Variants in SCARB2 observed in about 807,000 individuals in gnomAD.
SCARB2 encodes scavenger receptor class B member 2, also known as lysosome membrane protein 2.
In SCARB2, 29 loss-of-function variants were observed where a neutral mutation model predicts 58.6. That is an observed-to-expected ratio of 0.49 (90% CI 0.37 to 0.67). The LOEUF is 0.67. Ranked by LOEUF, SCARB2 falls within the 30% of genes least tolerant of loss-of-function variation. The probability of loss-of-function intolerance (pLI) is 0.00; values close to 1 mark genes in which losing one functional copy is unlikely to be tolerated. For synonymous variants in SCARB2, 195 were observed against 210.1 expected (o/e 0.93, Z 0.62); for missense variants, 488 against 578.5 (o/e 0.84, Z 1.60).
chr4:76,196,180 C>T (rs560422640), intron 1 of SCARB2, among the ~76,000 whole-genome samples: 42 of 152,284 alleles, frequency 2.8e-4, no homozygotes, highest in African/African-American at 1.0e-3. Context: ...TGGTGAAACC[C>T]CGTCTCTACT....
At chr4:76,167,606 T>C (rs1271371900) in intron 9 of SCARB2, among the ~76,000 whole-genome samples, 2 of 151,732 alleles carry the variant, frequency 1.3e-5, no homozygotes, top group Non-Finnish European at 2.9e-5. Context: ...TACAGAACTG[T>C]AAGCCAATTA....
At chr4:76,199,416 G>C (rs773703662) in intron 1 of SCARB2, among the ~76,000 whole-genome samples, 2 of 152,156 alleles carry the variant, frequency 1.3e-5, no homozygotes, top group Admixed American at 6.5e-5. Flanking sequence ...TTATTCATAG[G>C]AGATGCATGC....
intron 1 of SCARB2, among the ~76,000 whole-genome samples, chr4:76,198,141 A>G (rs1732752941): frequency 6.6e-6 from 1 of 152,184 alleles, no homozygotes; most frequent in Non-Finnish European, 1.5e-5. Flanking sequence ...AGGACAGTTG[A>G]GTGAGCACTC....
At chr4:76,228,369 C>T (rs557488583) in intron 1 of SCARB2, among the ~76,000 whole-genome samples, 1 of 151,892 alleles carries the variant, frequency 6.6e-6, no homozygotes, top group Admixed American at 6.6e-5. Flanking sequence ...ATCCCAGCTA[C>T]TCGGGAGGCA....
In SCARB2 at chr4:76,175,736, G is replaced by A. The variant is rs546245290; in HGVS notation, c.824+55C>T. 29 of 1,603,802 alleles carry A rather than the reference G, an allele frequency of 1.8e-5. No homozygotes were observed. The South Asian group carries it at 2.8e-4, about 15-fold the overall frequency. ...GCATATATTCCTCATGCTTTTGGTG[G>A]TCTTGCAGTGAAAGACCTTATTTTT... is the stretch of plus-strand genomic sequence containing the variant. On this transcript the variant is annotated intron_variant, in intron 6 of 11. Transcript: ENST00000264896.
intron 1 of SCARB2, among the ~76,000 whole-genome samples, chr4:76,201,487 C>T (rs117817153): frequency 2.6e-5 from 4 of 152,176 alleles, no homozygotes; most frequent in African/African-American, 7.2e-5. Flanking sequence ...TAGAGCACAA[C>T]GCTGTGCCAG....
chr4:76,158,829 T>G lies in SCARB2; in HGVS notation c.*2884A>C, dbSNP rs1295439575. 3.9e-5 allele frequency: 6 copies of G among 152,220 alleles called. No individual in the cohort carries two copies. Among genetic ancestry groups the G allele is most frequent in the Non-Finnish European group, 1.5e-5 (1 of 68,040 alleles). The allele number at this position is 152,220 out of a possible 1,614,324, so 9.4% of individuals were successfully genotyped here. A position where few individuals can be genotyped will look rare whatever the true frequency, so the allele number is the denominator to read the frequency against. On this transcript the variant is annotated 3_prime_UTR_variant, in exon 12 of 12. Coordinates refer to ENST00000264896, the MANE Select transcript of SCARB2 (RefSeq NM_005506.4). The stretch of plus-strand genomic sequence containing the variant: ...AGAACCGCATGAAGTGAACCAACTG[T>G]ATAAGCTACATGAAGAGCATTCTGG...
chr4:76,215,397 C>A (rs998965964), upstream of SCARB2, among the ~76,000 whole-genome samples: 35 of 152,176 alleles, frequency 2.3e-4, no homozygotes, highest in African/African-American at 7.2e-4. Flanking sequence ...CTACTCTGCG[C>A]ATTGCTGCAT....
chr4:76,219,270 G>T (rs1733267025), intron 1 of SCARB2, among the ~76,000 whole-genome samples: 1 of 152,228 alleles, frequency 6.6e-6, no homozygotes, highest in Non-Finnish European at 1.5e-5. Flanking sequence ...TGAACCTGAT[G>T]TTGAACTAGA....
intron 10 of SCARB2, 49 bp downstream of exon 10, chr4:76,166,201 T>C: frequency 6.3e-7 from 1 of 1,577,692 alleles, no homozygotes; most frequent in South Asian, 1.1e-5. Context: ...CATAATGGAT[T>C]TTTTCTGAGT....
chr4:76,196,593 A>G (rs1175396177), intron 1 of SCARB2, among the ~76,000 whole-genome samples: 5 of 152,188 alleles, frequency 3.3e-5, no homozygotes, highest in Non-Finnish European at 4.4e-5. Flanking sequence ...TAACAAGGGG[A>G]AGGGCCCAAG....
intron 1 of SCARB2, among the ~76,000 whole-genome samples, chr4:76,208,244 T>A (rs1179255911): frequency 6.6e-6 from 1 of 152,192 alleles, no homozygotes; most frequent in Non-Finnish European, 1.5e-5. Flanking sequence ...TAATCATTAA[T>A]AAGGAATGCA....
At chr4:76,170,971 T>TATATATATATAA (rs34900504) in intron 7 of SCARB2, among the ~76,000 whole-genome samples, 4,443 of 133,534 alleles carry the variant, frequency 0.033, 119 homozygotes, top group Non-Finnish European at 0.048. Context: ...TATATATATA[T>TATATATATATAA]AACCAAATAG....
chr4:76,227,599 ATCTG>A (rs915280821), intron 1 of SCARB2, among the ~76,000 whole-genome samples: 6 of 152,282 alleles, frequency 3.9e-5, no homozygotes, highest in African/African-American at 1.4e-4. Flanking sequence ...TGTCTTGATG[ATCTG>A]TCTAATGCAG....
rs151140286 is a variant in SCARB2 at position 76,212,630 on chromosome 4, T to C, written c.117+797A>G. Among the ~76,000 whole-genome samples, 188 of 152,338 alleles carry C rather than the reference T, an allele frequency of 1.2e-3. 1 individual carries two copies. The highest frequency in any genetic ancestry group is 0.011 in the East Asian group (56 of 5,190). ...AAATGATCCCAGTAATTCTCTTTTGTTCCTCTTTTGACACAGCTTGGTGGA... is the reference window on the plus strand; with the variant it reads ...AAATGATCCCAGTAATTCTCTTTTGCTCCTCTTTTGACACAGCTTGGTGGA... On this transcript the variant is annotated intron_variant, in intron 1 of 11. Transcript: ENST00000264896.
In SCARB2 at chr4:76,213,583, C is replaced by T. The variant is rs1196026732; in HGVS notation, c.-40G>A. ...ACGGGCCGGGCCGGGCCGCACCCGC[C>T]AGGGATCCAACTGCAAGGAGGGAGG... On this transcript the variant is annotated 5_prime_UTR_variant, in exon 1 of 12. Coordinates refer to ENST00000264896, the MANE Select transcript of SCARB2 (RefSeq NM_005506.4). 8 of 1,558,880 alleles carry T rather than the reference C, an allele frequency of 5.1e-6. No homozygotes were observed. The highest frequency in any genetic ancestry group is 7.1e-6 in the Non-Finnish European group (8 of 1,134,690).
At chr4:76,202,737 ATG>A (rs1363503836) in intron 1 of SCARB2, among the ~76,000 whole-genome samples, 1 of 152,166 alleles carries the variant, frequency 6.6e-6, no homozygotes, top group African/African-American at 2.4e-5. Context: ...AGTCATATAT[ATG>A]TGTATTTTAA....
intron 1 of SCARB2, among the ~76,000 whole-genome samples, chr4:76,197,086 C>T (rs1732729160): frequency 6.6e-6 from 1 of 152,202 alleles, no homozygotes; most frequent in Non-Finnish European, 1.5e-5. Context: ...AGACAGGCCT[C>T]AGAAGAAACC....
At position 76,180,959 on chromosome 4, in the gene SCARB2, C is replaced by A. The variant is rs1732370122; in HGVS notation, c.418G>T (p.Val140Leu). Residue 140 changes from valine to leucine, a missense_variant, in exon 3 of 12, where the codon GTA becomes TTA. Physicochemically the swap from Val to Leu is conservative, Grantham distance 32 (BLOSUM62 1). Transcript: ENST00000264896. ...IDLIRTLNIP[V>L]LTVIEWSQVH... ...GTATTAAAATGCCTACTTACCAATA[C>A]AGGAATATTTAATGTTCTAATTAAG... is the stretch of plus-strand genomic sequence containing the variant. 6.2e-7 allele frequency: 1 copy of A among 1,611,118 alleles called. No homozygotes were observed. Among genetic ancestry groups the A allele is most frequent in the African/African-American group, 1.3e-5 (1 of 74,802 alleles).
Sources: allele counts gnomAD v4.1 joint callset (sites outside exome capture counted in the v4.1 genomes callset), GRCh38; gene constraint gnomAD v4.1.1; transcripts MANE v1.5; gene names NCBI Gene and HGNC (gene_info 2026-07-23, HGNC 2026-07-21).